Variants in SCARA5 observed in about 807,000 individuals in gnomAD.
SCARA5 encodes scavenger receptor class A, member 5 (putative).
In SCARA5, 45 loss-of-function variants were observed where a neutral mutation model predicts 46.3. That is an observed-to-expected ratio of 0.97 (90% CI 0.76 to 1.24). The LOEUF is 1.24. Among genes scored for constraint, SCARA5 ranks in the 50% most tolerant of loss-of-function variants. SCARA5 has a pLI of 0.00. For missense variants in SCARA5, 680 were observed against 689.0 expected, an observed-to-expected ratio of 0.99 and a Z score of 0.15; for synonymous variants, 333 against 306.5, an observed-to-expected ratio of 1.09 and a Z score of -0.90.
chr8:27,977,860 C>T (rs540433167), intron 2 of SCARA5, among the ~76,000 whole-genome samples: 103 of 152,258 alleles, frequency 6.8e-4, no homozygotes, highest in African/African-American at 2.4e-3. Flanking sequence ...GGATGGGCTC[C>T]GACTGTAAAA....
At chr8:27,924,426 C>A (rs901956730) in intron 3 of SCARA5, among the ~76,000 whole-genome samples, 1 of 152,204 alleles carries the variant, frequency 6.6e-6, no homozygotes. Context: ...TGGAAGCACA[C>A]GGCATTTGTG....
chr8:27,960,358 G>A (rs565566116), intron 3 of SCARA5, among the ~76,000 whole-genome samples: 11 of 151,872 alleles, frequency 7.2e-5, no homozygotes, highest in East Asian at 3.9e-4. Context: ...TTAATTATTC[G>A]TAGAGATGAG....
At chr8:27,952,661 A>G (rs953238592) in intron 3 of SCARA5, among the ~76,000 whole-genome samples, 1 of 152,252 alleles carries the variant, frequency 6.6e-6, no homozygotes, top group African/African-American at 2.4e-5. Context: ...CAGTCTTTCT[A>G]TTAAGCCTTA....
chr8:27,954,856 T>C (rs1808182649), intron 3 of SCARA5, among the ~76,000 whole-genome samples: 2 of 152,254 alleles, frequency 1.3e-5, no homozygotes, highest in African/African-American at 4.8e-5. Context: ...GCAATGCCTT[T>C]CTTTCCTTGA....
intron 7 of SCARA5, among the ~76,000 whole-genome samples, chr8:27,887,544 C>T (rs1171701042): frequency 6.6e-6 from 1 of 152,166 alleles, no homozygotes; most frequent in Non-Finnish European, 1.5e-5. Flanking sequence ...AGAGCTATTC[C>T]TTACTAAAAA....
chr8:27,915,840 C>A (rs1411745114), intron 4 of SCARA5, among the ~76,000 whole-genome samples: 3 of 152,160 alleles, frequency 2.0e-5, no homozygotes, highest in Non-Finnish European at 4.4e-5. Context: ...GCCACTCCAT[C>A]CAAATGCTGT....
chr8:27,987,581 C>T lies in SCARA5; in HGVS notation c.35G>A (p.Ser12Asn). The change falls in exon 2 of 9, where the codon AGC (serine) becomes AAC (asparagine). Residue 12 changes from serine to asparagine, a missense_variant. Ser to Asn is a conservative substitution (Grantham distance 46, BLOSUM62 1). Transcript: ENST00000354914. The part of the protein sequence containing the change: ...ENKAMYLHTV[S>N]DCDTSSICED... ...ACAGATGGAGCTGGTGTCACAGTCG[C>T]TGACGGTGTGTAGGTACATAGCTTT... The T allele has an allele frequency of 6.2e-7, 1 of 1,613,986 alleles. No homozygotes were observed. The highest frequency in any genetic ancestry group is 8.5e-7 in the Non-Finnish European group (1 of 1,179,842).
chr8:27,952,938 CT>C (rs1808151842), intron 3 of SCARA5, among the ~76,000 whole-genome samples: 1 of 152,170 alleles, frequency 6.6e-6, no homozygotes, highest in Non-Finnish European at 1.5e-5. Context: ...GGCAGGAACT[CT>C]TTTTTAGCAC....
intron 7 of SCARA5, among the ~76,000 whole-genome samples, chr8:27,896,978 G>A (rs913091059): frequency 6.6e-6 from 1 of 152,134 alleles, no homozygotes; most frequent in Non-Finnish European, 1.5e-5. Flanking sequence ...TGTAATCCCA[G>A]CTACTTAGGA....
At chr8:27,940,231 A>G (rs1807921413) in intron 3 of SCARA5, among the ~76,000 whole-genome samples, 1 of 152,166 alleles carries the variant, frequency 6.6e-6, no homozygotes, top group Non-Finnish European at 1.5e-5. Context: ...GAGGCTGGAA[A>G]TTATTCTCAC....
At chr8:27,916,739 G>C (rs1807467404) in intron 4 of SCARA5, among the ~76,000 whole-genome samples, 1 of 152,160 alleles carries the variant, frequency 6.6e-6, no homozygotes, top group Non-Finnish European at 1.5e-5. Flanking sequence ...GAGACAGGGA[G>C]GCAGGAAAGA....
At chr8:27,952,248 G>A (rs1174145352) in intron 3 of SCARA5, among the ~76,000 whole-genome samples, 2 of 152,172 alleles carry the variant, frequency 1.3e-5, no homozygotes, top group Non-Finnish European at 2.9e-5. Flanking sequence ...CCTCTAGAGG[G>A]AGTGCAGCCT....
intron 5 of SCARA5, 131 bp from the exon 6 acceptor site, chr8:27,907,377 G>A (rs950802327): frequency 1.1e-4 from 64 of 592,412 alleles, no homozygotes; most frequent in African/African-American, 5.5e-4. Context: ...GCTTTTTTCT[G>A]TTAATCTAAA....
Position 27,987,553 on chromosome 8 carries a change from C to T in SCARA5, c.63G>A (p.Glu21=), listed in dbSNP as rs1808722368. The change falls in exon 2 of 9, where the codon GAG becomes GAA. Residue 21 remains glutamate (E), a synonymous_variant. Coordinates refer to ENST00000354914, the MANE Select transcript of SCARA5 (RefSeq NM_173833.6). The part of the protein sequence containing the change: ...VSDCDTSSIC[E]DSFDGRSLSK... Reference sequence around the variant, plus strand: ...ACAGGCTCCTGCCATCAAAGGAATCCTCACAGATGGAGCTGGTGTCACAGT... The same window carrying T: ...ACAGGCTCCTGCCATCAAAGGAATCTTCACAGATGGAGCTGGTGTCACAGT... 1.2e-6 allele frequency: 2 copies of T among 1,614,042 alleles called. No individual in the cohort carries two copies. The highest frequency in any genetic ancestry group is 2.7e-5 in the African/African-American group (2 of 74,934).
At chr8:27,937,414 C>A (rs1807875467) in intron 3 of SCARA5, among the ~76,000 whole-genome samples, 1 of 152,214 alleles carries the variant, frequency 6.6e-6, no homozygotes, top group Admixed American at 6.5e-5. Context: ...ACTCAGGCCC[C>A]TGCTGCACAG....
intron 7 of SCARA5, among the ~76,000 whole-genome samples, chr8:27,894,217 G>A (rs1807027275): frequency 1.3e-5 from 2 of 152,220 alleles, no homozygotes; most frequent in Admixed American, 6.5e-5. Context: ...AGAGAAAACA[G>A]GCTCAGAAAA....
chr8:27,940,760 G>GTCCATCCA (rs60443615), intron 3 of SCARA5, among the ~76,000 whole-genome samples: 9,049 of 128,218 alleles, frequency 0.071, 404 homozygotes, highest in South Asian at 0.13. Context: ...CCAACCATCT[G>GTCCATCCA]TCCATCCATC....
intron 4 of SCARA5, among the ~76,000 whole-genome samples, chr8:27,918,169 G>A (rs556135805): frequency 6.6e-6 from 1 of 152,284 alleles, no homozygotes; most frequent in Admixed American, 6.5e-5. Flanking sequence ...GTATTTCATG[G>A]CATGTAAATT....
intron 2 of SCARA5, among the ~76,000 whole-genome samples, chr8:27,986,823 T>C (rs1808712164): frequency 6.6e-6 from 1 of 152,192 alleles, no homozygotes; most frequent in African/African-American, 2.4e-5. Context: ...TCATTCTATT[T>C]CTCTTTGACG....
Sources: allele counts gnomAD v4.1 joint callset (sites outside exome capture counted in the v4.1 genomes callset), GRCh38; gene constraint gnomAD v4.1.1; transcripts MANE v1.5; gene names NCBI Gene and HGNC (gene_info 2026-07-23, HGNC 2026-07-21).